The following GALNT12 variants were observed in gnomAD, a reference collection of about 807,000 sequenced individuals.
GALNT12 encodes the protein UDP-GalNAc:polypeptide N-acetylgalactosaminyltransferase 12.
GALNT12 carries 45 observed loss-of-function variants against 55.5 expected under a neutral mutation model. That is an observed-to-expected ratio of 0.81 (90% confidence interval 0.64 to 1.04). The LOEUF is 1.04. GALNT12 is among the 50% of genes least tolerant of loss of function. The pLI is 0.00. For missense variants in GALNT12, 709 were observed against 754.8 expected, an observed-to-expected ratio of 0.94 and a Z score of 0.71; for synonymous variants, 304 against 312.2, an observed-to-expected ratio of 0.97 and a Z score of 0.28.
In GALNT12 at chr9:98,815,282, T is replaced by C. The variant is rs568730779; in HGVS notation, c.371+7213T>C. On this transcript the variant is annotated intron_variant, in intron 1 of 9. Coordinates refer to ENST00000375011, the MANE Select transcript of GALNT12 (RefSeq NM_024642.5). ...GTTTTCACTTTTGGTACATATTTGG[T>C]AAATTATATGAGGTATCCAATACTT... Among the ~76,000 whole-genome samples, 8 of 152,362 alleles carry C rather than the reference T, an allele frequency of 5.3e-5. No homozygotes were observed. The South Asian group carries it at 1.7e-3, about 32-fold the overall frequency.
At chr9:98,833,797 G>A (rs2118428705) in intron 4 of GALNT12, among the ~76,000 whole-genome samples, 1 of 152,168 alleles carries the variant, frequency 6.6e-6, no homozygotes, top group East Asian at 1.9e-4. Context: ...GGCTACTTAG[G>A]CAGCCTGTCA....
intron 1 of GALNT12, among the ~76,000 whole-genome samples, chr9:98,810,176 TG>T (rs1178115044): frequency 1.3e-5 from 2 of 152,158 alleles, no homozygotes; most frequent in African/African-American, 4.8e-5. Context: ...CTGAGAAACC[TG>T]AATGGCAGAT....
chr9:98,808,155 T>C lies in GALNT12; in HGVS notation c.371+86T>C. On this transcript the variant is annotated intron_variant, in intron 1 of 9. Coordinates refer to ENST00000375011, the MANE Select transcript of GALNT12 (RefSeq NM_024642.5). ...TCAGAGCAGTGGCAGGGCGGGGAGC[T>C]GGGGTCTCCAGGATGGCGCGTCTTA... The C allele has an allele frequency of 5.3e-6, 6 of 1,136,520 alleles. No homozygotes were observed. In the South Asian group the frequency reaches 5.5e-5, roughly 10 times the overall value. 70.4% of individuals were successfully genotyped at this position (1,136,520 alleles called of 1,614,324 possible).
In GALNT12 at chr9:98,846,021, C is replaced by T. The variant is rs1588459556; in HGVS notation, c.1503C>T (p.His501=). 1.2e-6 allele frequency: 2 copies of T among 1,614,166 alleles called. No homozygotes were observed. The highest frequency in any genetic ancestry group is 2.2e-5 in the South Asian group (2 of 91,090). Residue 501 remains histidine (H), a synonymous_variant, in exon 9 of 10, where the codon CAC becomes CAT. Coordinates refer to ENST00000375011, the MANE Select transcript of GALNT12 (RefSeq NM_024642.5). ...TSQKEIRYNT[H]QPEGCIAVEA... is the part of the protein sequence containing the mutation. ...AGAAAGAAATACGCTATAACACCCA[C>T]CAGCCTGAGGGCTGCATTGCTGTGG...
At chr9:98,822,077 C>A (rs1002568448) in intron 1 of GALNT12, among the ~76,000 whole-genome samples, 1 of 152,226 alleles carries the variant, frequency 6.6e-6, no homozygotes, top group Non-Finnish European at 1.5e-5. Flanking sequence ...TTTCCCTCCT[C>A]CTCCTGCCTA....
At chr9:98,837,517 G>A (rs1836183777) in intron 6 of GALNT12, among the ~76,000 whole-genome samples, 1 of 152,138 alleles carries the variant, frequency 6.6e-6, no homozygotes, top group South Asian at 2.1e-4. Context: ...ATATATCGTT[G>A]CATCATTAAC....
intron 7 of GALNT12, among the ~76,000 whole-genome samples, chr9:98,840,533 A>T (rs1395944696): frequency 6.6e-6 from 1 of 152,152 alleles, no homozygotes; most frequent in Non-Finnish European, 1.5e-5. Context: ...GAGTATTTCA[A>T]AAAACCTAAA....
chr9:98,831,624 A>C, intron 3 of GALNT12, 148 bp from the exon 4 acceptor site: 10 of 951,284 alleles, frequency 1.1e-5, no homozygotes, highest in Non-Finnish European at 1.7e-5. Flanking sequence ...ACACGGCTGC[A>C]GACACCTGGA....
intron 1 of GALNT12, among the ~76,000 whole-genome samples, chr9:98,813,061 G>A (rs1835527411): frequency 6.6e-6 from 1 of 152,172 alleles, no homozygotes; most frequent in Non-Finnish European, 1.5e-5. Context: ...CATTTTCTCT[G>A]CTCACTATTC....
At chr9:98,829,435 C>T (rs548420117) in intron 3 of GALNT12, among the ~76,000 whole-genome samples, 15 of 152,062 alleles carry the variant, frequency 9.9e-5, no homozygotes, top group Admixed American at 2.6e-4. Context: ...GTGATTTGCC[C>T]GTCTCAGCCT....
intron 1 of GALNT12, among the ~76,000 whole-genome samples, 169 bp from the exon 2 acceptor site, chr9:98,823,087 T>C (rs1190135277): frequency 1.3e-5 from 2 of 152,142 alleles, no homozygotes; most frequent in African/African-American, 2.4e-5. Flanking sequence ...TTAGGACCTT[T>C]CTTGGAGTCT....
chr9:98,845,075 G>A (rs1258032276), intron 8 of GALNT12, among the ~76,000 whole-genome samples: 1 of 152,102 alleles, frequency 6.6e-6, no homozygotes, highest in Non-Finnish European at 1.5e-5. Flanking sequence ...TCCAACCCCT[G>A]CAACCTTAAA....
chr9:98,808,849 C>G (rs1400784451), intron 1 of GALNT12, among the ~76,000 whole-genome samples: 1 of 152,208 alleles, frequency 6.6e-6, no homozygotes, highest in Non-Finnish European at 1.5e-5. Context: ...CTGGGCCTCC[C>G]GGGCTCTCAC....
In GALNT12 at chr9:98,846,069, C is replaced by T. The variant is rs878855094; in HGVS notation, c.1551C>T (p.Ile517=). ...IAVEAGMDTL[I]MHLCEETAPE... ...TGGAAGCAGGAATGGATACCCTTATCATGCATCTCTGCGAAGAAACTGCCC... is the reference window on the plus strand; with the variant it reads ...TGGAAGCAGGAATGGATACCCTTATTATGCATCTCTGCGAAGAAACTGCCC... Residue 517 remains isoleucine, a synonymous_variant, in exon 9 of 10, where the codon ATC becomes ATT. Transcript: ENST00000375011. 14 of 1,614,088 alleles carry T rather than the reference C, an allele frequency of 8.7e-6. No individual in the cohort carries two copies. The Admixed American group carries it at 1.5e-4, about 17-fold the overall frequency.
chr9:98,848,548 C>T (rs781002854), intron 9 of GALNT12, among the ~76,000 whole-genome samples: 13 of 152,168 alleles, frequency 8.5e-5, no homozygotes, highest in Non-Finnish European at 1.5e-4. Flanking sequence ...TGAGCTGGGA[C>T]TACAGCCAAG....
chr9:98,811,737 C>A (rs1835500251), intron 1 of GALNT12, among the ~76,000 whole-genome samples: 2 of 139,658 alleles, frequency 1.4e-5, no homozygotes, highest in Non-Finnish European at 3.0e-5. Context: ...GGCTGGAGTA[C>A]AATGGTGCGA....
In GALNT12 at chr9:98,837,004, C is replaced by T. The variant is rs555402872; in HGVS notation, c.1068C>T (p.His356=). The part of the protein sequence containing the change: ...IWQCGGVLET[H]PCSHVGHVFP... Reference sequence around the variant, plus strand: ...AGTGTGGTGGGGTTCTGGAAACACACCCATGTTCCCATGTTGGCCATGTTT... The same window carrying T: ...AGTGTGGTGGGGTTCTGGAAACACATCCATGTTCCCATGTTGGCCATGTTT... The change falls in exon 6 of 10, where the codon CAC becomes CAT. Residue 356 remains histidine, a synonymous_variant. Coordinates refer to ENST00000375011, the MANE Select transcript of GALNT12 (RefSeq NM_024642.5). 22 of 1,614,206 alleles carry T rather than the reference C, an allele frequency of 1.4e-5. No individual in the cohort carries two copies. The South Asian group carries it at 1.5e-4, about 11-fold the overall frequency.
At chr9:98,826,726 C>A (rs1340162436) in intron 2 of GALNT12, 26 bp from the exon 3 acceptor site, 10 of 1,605,728 alleles carry the variant, frequency 6.2e-6, no homozygotes, top group Non-Finnish European at 6.8e-6. Context: ...TCACGGTGAC[C>A]CCTGTTGCTT....
chr9:98,843,705 C>T (rs1192093681), intron 7 of GALNT12, among the ~76,000 whole-genome samples: 1 of 152,202 alleles, frequency 6.6e-6, no homozygotes, highest in African/African-American at 2.4e-5. Flanking sequence ...CTGAACCCAG[C>T]CTAAAATAAT....
Sources: gnomAD v4.1 joint callset for allele counts (sites outside exome capture counted in the v4.1 genomes callset) on GRCh38, gnomAD v4.1.1 for gene constraint, MANE v1.5 for transcripts, NCBI Gene and HGNC (gene_info 2026-07-23, HGNC 2026-07-21) for gene names.